The following DSCAM variants were observed in gnomAD, a reference collection of about 807,000 sequenced individuals.
The protein encoded by DSCAM is cell adhesion molecule DSCAM.
Under a neutral mutation model 217.7 loss-of-function variants are expected in DSCAM, and 47 were observed. That is an observed-to-expected ratio of 0.22 (90% confidence interval 0.17 to 0.28). The LOEUF (loss-of-function observed/expected upper bound fraction) is 0.28. DSCAM is among the 10% of genes least tolerant of loss of function. The pLI is 1.00. For missense variants in DSCAM, 2,080 were observed against 2,618.3 expected, an observed-to-expected ratio of 0.79 and a Z score of 4.49; for synonymous variants, 1,056 against 1,015.3, an observed-to-expected ratio of 1.04 and a Z score of -0.76.
chr21:40,802,008 A>T (rs1207180022), intron 1 of DSCAM, among the ~76,000 whole-genome samples: 1 of 152,190 alleles, frequency 6.6e-6, no homozygotes, highest in Non-Finnish European at 1.5e-5. Flanking sequence ...CAGGACCTCC[A>T]CCAGGATCCC....
chr21:40,455,318 G>A (rs966745690), intron 3 of DSCAM, among the ~76,000 whole-genome samples: 8 of 152,126 alleles, frequency 5.3e-5, no homozygotes, highest in African/African-American at 1.9e-4. Context: ...CAGAGCAGAG[G>A]TAAAAGATGA....
At chr21:40,222,088 C>T (rs2091293408) in intron 11 of DSCAM, among the ~76,000 whole-genome samples, 2 of 152,202 alleles carry the variant, frequency 1.3e-5, no homozygotes, top group South Asian at 4.1e-4. Flanking sequence ...AGGGAAACAA[C>T]TGAGAGTGTT....
At chr21:40,069,087 G>GAA (rs56406042) in intron 27 of DSCAM, among the ~76,000 whole-genome samples, 4 of 124,808 alleles carry the variant, frequency 3.2e-5, no homozygotes, top group Admixed American at 7.8e-5. Context: ...CTCTGTCTCA[G>GAA]AAAAAAAAAA....
chr21:40,122,307 A>T lies in DSCAM; in HGVS notation c.3696+1888T>A, dbSNP rs1456266750. On this transcript the variant is annotated intron_variant, in intron 20 of 32. Coordinates refer to ENST00000400454, the MANE Select transcript of DSCAM (RefSeq NM_001389.5). Reference sequence around the variant, plus strand: ...GGATTTTTAGTGCAGAGATAAAGATAAGATGATTGAGAAGACAAAACGAGA... The same window carrying T: ...GGATTTTTAGTGCAGAGATAAAGATTAGATGATTGAGAAGACAAAACGAGA... Among the ~76,000 whole-genome samples the T allele has an allele frequency of 3.9e-5, 6 of 152,298 alleles. No individual in the cohort carries two copies. In the East Asian group the frequency reaches 9.7e-4, roughly 25 times the overall value.
chr21:40,268,295 T>C (rs991604841), intron 11 of DSCAM, among the ~76,000 whole-genome samples: 2 of 152,188 alleles, frequency 1.3e-5, no homozygotes, highest in Non-Finnish European at 2.9e-5. Context: ...TGAACCCTGC[T>C]GATGGGCAAA....
intron 3 of DSCAM, among the ~76,000 whole-genome samples, chr21:40,457,301 T>C (rs2205080): frequency 0.19 from 29,409 of 151,928 alleles, 3,380 homozygotes; most frequent in African/African-American, 0.31. Context: ...TGCTTGAGCC[T>C]AGGAGTTCGA....
intron 1 of DSCAM, among the ~76,000 whole-genome samples, chr21:40,819,434 C>CAG (rs35189131): frequency 0.33 from 50,867 of 151,938 alleles, 9,050 homozygotes; most frequent in African/African-American, 0.43. Flanking sequence ...TGTTGAGTCT[C>CAG]AGGAAACAAC....
At chr21:40,390,049 C>A (rs1469596037) in intron 3 of DSCAM, among the ~76,000 whole-genome samples, 2 of 152,176 alleles carry the variant, frequency 1.3e-5, no homozygotes, top group Non-Finnish European at 2.9e-5. Context: ...CTGTCCCTTT[C>A]AAATCTCCTG....
intron 3 of DSCAM, among the ~76,000 whole-genome samples, chr21:40,533,321 A>T (rs1194429285): frequency 3.9e-5 from 6 of 152,234 alleles, no homozygotes; most frequent in Non-Finnish European, 8.8e-5. Flanking sequence ...TGCATATTCC[A>T]GGATATATGT....
chr21:40,829,454 C>A (rs138374163), intron 1 of DSCAM, among the ~76,000 whole-genome samples: 34 of 152,262 alleles, frequency 2.2e-4, no homozygotes, highest in African/African-American at 8.2e-4. Flanking sequence ...ACAGTGTGTG[C>A]AGCGAGAGCT....
intron 3 of DSCAM, among the ~76,000 whole-genome samples, chr21:40,458,542 G>T (rs911874459): frequency 6.6e-6 from 1 of 152,076 alleles, no homozygotes; most frequent in Admixed American, 6.5e-5. Context: ...AAATATGCAT[G>T]AGGAAAGCAA....
chr21:40,816,657 C>T (rs527407343), intron 1 of DSCAM, among the ~76,000 whole-genome samples: 22 of 152,162 alleles, frequency 1.4e-4, no homozygotes, highest in Non-Finnish European at 3.1e-4. Context: ...ACTGGTGCTG[C>T]GATCTGCAAT....
At chr21:40,424,941 C>T (rs141045465) in intron 3 of DSCAM, among the ~76,000 whole-genome samples, 2,181 of 150,920 alleles carry the variant, frequency 0.014, 62 homozygotes, top group African/African-American at 0.05. Context: ...ATTAAAAATA[C>T]AAAAAAATTA....
intron 3 of DSCAM, among the ~76,000 whole-genome samples, chr21:40,563,284 GAA>G (rs2076735000): frequency 6.6e-6 from 1 of 151,356 alleles, no homozygotes; most frequent in Non-Finnish European, 1.5e-5. Context: ...CTCCCAGCTT[GAA>G]GTCACCTGAG....
intron 3 of DSCAM, among the ~76,000 whole-genome samples, chr21:40,544,075 G>A (rs1830445961): frequency 6.6e-6 from 1 of 152,136 alleles, no homozygotes; most frequent in South Asian, 2.1e-4. Context: ...GAAGTGAGGG[G>A]TGAGCCATCG....
intron 1 of DSCAM, among the ~76,000 whole-genome samples, chr21:40,709,187 GC>G (rs1205208832): frequency 6.6e-6 from 1 of 152,144 alleles, no homozygotes; most frequent in Non-Finnish European, 1.5e-5. Context: ...ATAGAGCCCA[GC>G]TCTCACTGGA....
At chr21:40,779,742 C>T (rs553493421) in intron 1 of DSCAM, among the ~76,000 whole-genome samples, 5 of 151,544 alleles carry the variant, frequency 3.3e-5, no homozygotes, top group Admixed American at 1.3e-4. Flanking sequence ...GAGGGACAGC[C>T]GGGCCTGGCA....
intron 10 of DSCAM, among the ~76,000 whole-genome samples, chr21:40,285,212 G>C (rs999186153): frequency 2.6e-5 from 4 of 152,204 alleles, no homozygotes; most frequent in African/African-American, 7.2e-5. Context: ...GCTTTGCCTT[G>C]CTCCTGGGAG....
chr21:40,322,915 G>A (rs1227350691), intron 8 of DSCAM, among the ~76,000 whole-genome samples: 1 of 152,178 alleles, frequency 6.6e-6, no homozygotes, highest in Non-Finnish European at 1.5e-5. Flanking sequence ...AGTGGGAGGA[G>A]TTGCACTGAC....
Sources: allele counts gnomAD v4.1 joint callset (sites outside exome capture counted in the v4.1 genomes callset), GRCh38; gene constraint gnomAD v4.1.1; transcripts MANE v1.5; gene names NCBI Gene and HGNC (gene_info 2026-07-23, HGNC 2026-07-21).